HSPA4: variants seen among roughly 807,000 people sequenced by gnomAD.
The protein encoded by HSPA4 is heat shock 70 kDa protein 4.
A neutral mutation model predicts 106.2 loss-of-function variants in HSPA4; 25 were observed. That is an observed-to-expected ratio of 0.24 (90% CI 0.17 to 0.33). The LOEUF (loss-of-function observed/expected upper bound fraction) is 0.33, where lower values mean the gene tolerates loss of function less well. Ranked by LOEUF, HSPA4 falls within the 10% of genes least tolerant of loss-of-function variation. HSPA4 has a pLI of 1.00. For missense variants in HSPA4, 841 were observed against 996.0 expected (o/e 0.84, Z 2.10); for synonymous variants, 332 against 333.6 (o/e 1.00, Z 0.05).
rs886157986 is a variant in HSPA4, at chr5:133,065,116, A to T, written c.165+79A>T. The stretch of plus-strand genomic sequence containing the variant: ...TTCAGCAAGTAGTTGAATGCCCATT[A>T]TGTGCCTAACACTGGTAGGCCTTGG... On this transcript the variant is annotated intron_variant, in intron 2 of 18. Coordinates refer to ENST00000304858, the MANE Select transcript of HSPA4 (RefSeq NM_002154.4). The T allele has an allele frequency of 1.1e-5, 13 of 1,191,076 alleles. No homozygotes were observed. In the African/African-American group the frequency reaches 2.0e-4, roughly 18 times the overall value. 73.8% of individuals were successfully genotyped at this position (1,191,076 alleles called of 1,614,324 possible).
intron 1 of HSPA4, among the ~76,000 whole-genome samples, chr5:133,064,060 T>A (rs1765278401): frequency 6.6e-6 from 1 of 152,208 alleles, no homozygotes; most frequent in African/African-American, 2.4e-5. Flanking sequence ...CTGCACTTTT[T>A]AAGCGTAAGC....
At chr5:133,104,055 T>TC in intron 18 of HSPA4, 29 bp downstream of exon 18, 1 of 1,572,112 alleles carries the variant, frequency 6.4e-7, no homozygotes, top group Non-Finnish European at 8.7e-7. Context: ...TTAATAGTCT[T>TC]TTCTTGACAG....
At position 133,092,806 on chromosome 5, in the gene HSPA4, G is replaced by GTTTTTTTTTTT. The variant is rs57230598; in HGVS notation, c.1650+39_1650+49dup. Reference sequence around the variant, plus strand: ...GAAATGGAGGTATGCATTGGGTGGTGTTTTTTTTTTTTTTTTTTTTTTTTT... The same window carrying GTTTTTTTTTTT: ...GAAATGGAGGTATGCATTGGGTGGTGTTTTTTTTTTTTTTTTTTTTTTTTTTTTTTTTTTTT... On this transcript the variant is annotated intron_variant, in intron 13 of 18. Transcript: ENST00000304858. 5 of 474,030 alleles carry GTTTTTTTTTTT rather than the reference G, an allele frequency of 1.1e-5. No individual in the cohort carries two copies. The African/African-American group carries it at 1.1e-4, about 10-fold the overall frequency. 29.4% of individuals were successfully genotyped at this position (474,030 alleles called of 1,614,324 possible). A position where few individuals can be genotyped will look rare whatever the true frequency, so the allele number is the denominator to read the frequency against.
At chr5:133,062,872 C>T (rs112549049) in intron 1 of HSPA4, among the ~76,000 whole-genome samples, 2 of 152,174 alleles carry the variant, frequency 1.3e-5, no homozygotes, top group African/African-American at 4.8e-5. Context: ...GCCCAGCATT[C>T]TGCCAGTTTC....
Position 133,064,154 on chromosome 5 carries a change from G to A in HSPA4, c.108-826G>A, listed in dbSNP as rs561539700. ...TAAATGGATTAAATCAGGAGATTGT[G>A]TATGAATTGGTGATTTAGAAGAATG... On this transcript the variant is annotated intron_variant, in intron 1 of 18. Coordinates refer to ENST00000304858, the MANE Select transcript of HSPA4 (RefSeq NM_002154.4). 7.9e-5 allele frequency among the ~76,000 whole-genome samples: 12 copies of A among 152,338 alleles called. No homozygotes were observed. In the East Asian group the frequency reaches 2.1e-3, roughly 27 times the overall value.
chr5:133,074,284 T>TC, intron 6 of HSPA4, among the ~76,000 whole-genome samples, 158 bp downstream of exon 6: 1 of 80,542 alleles, frequency 1.2e-5, no homozygotes, highest in African/African-American at 5.1e-5. Flanking sequence ...TTTTTTTCTC[T>TC]TTTTTTTTTT....
At chr5:133,097,424 TA>T (rs1407892442) in intron 15 of HSPA4, 138 bp downstream of exon 15, 12 of 574,742 alleles carry the variant, frequency 2.1e-5, no homozygotes, top group Non-Finnish European at 3.2e-5. Context: ...CAAAATTTTA[TA>T]TTTTTTTATA....
At chr5:133,087,994 T>G (rs1047307374) in intron 8 of HSPA4, among the ~76,000 whole-genome samples, 25 of 152,240 alleles carry the variant, frequency 1.6e-4, no homozygotes, top group African/African-American at 6.0e-4. Flanking sequence ...GATGTGATTC[T>G]TCTTTTTTTT....
intron 1 of HSPA4, among the ~76,000 whole-genome samples, chr5:133,062,225 C>A (rs1327298474): frequency 6.6e-6 from 1 of 152,110 alleles, no homozygotes; most frequent in Non-Finnish European, 1.5e-5. Context: ...AAGACAGTTT[C>A]AGAGTTACTG....
intron 15 of HSPA4, among the ~76,000 whole-genome samples, chr5:133,097,797 C>T (rs910121848): frequency 2.6e-5 from 4 of 152,054 alleles, no homozygotes; most frequent in African/African-American, 9.7e-5. Context: ...GATCCGCCCG[C>T]CTTGGCCTCC....
chr5:133,089,273 C>T (rs988128275), intron 10 of HSPA4, 112 bp downstream of exon 10: 1 of 648,634 alleles, frequency 1.5e-6, no homozygotes, highest in Admixed American at 3.1e-5. Context: ...TATCATAGTG[C>T]ATGAAGGAAG....
intron 3 of HSPA4, among the ~76,000 whole-genome samples, chr5:133,067,892 G>GTTTT (rs1231361695): frequency 7.4e-6 from 1 of 134,754 alleles, no homozygotes. Flanking sequence ...AGCAATCACA[G>GTTTT]TTTTTTTTTT....
intron 13 of HSPA4, among the ~76,000 whole-genome samples, chr5:133,094,489 A>G (rs550271264): frequency 2.9e-4 from 44 of 152,350 alleles, no homozygotes; most frequent in Admixed American, 8.5e-4. Flanking sequence ...TGGTGCTTAC[A>G]GATTCTTTAG....
rs1044050500 is a variant in HSPA4 at position 133,105,935 on chromosome 5, G to A, written c.*1499G>A. 6 of 151,708 alleles carry A rather than the reference G, an allele frequency of 4.0e-5. No individual in the cohort carries two copies. The highest frequency in any genetic ancestry group is 1.2e-4 in the African/African-American group (5 of 41,254). 9.4% of individuals were successfully genotyped at this position (151,708 alleles called of 1,614,324 possible). A position where few individuals can be genotyped will look rare whatever the true frequency, so the allele number is the denominator to read the frequency against. On this transcript the variant is annotated 3_prime_UTR_variant, in exon 19 of 19. Coordinates refer to ENST00000304858, the MANE Select transcript of HSPA4 (RefSeq NM_002154.4). ...TGGAGGCCTCGAGGCACCACAACAAGGCCAGGTTCTTAGCACATCCTCTGT... is the reference window on the plus strand; with the variant it reads ...TGGAGGCCTCGAGGCACCACAACAAAGCCAGGTTCTTAGCACATCCTCTGT...
intron 9 of HSPA4, 111 bp from the exon 10 acceptor site, chr5:133,088,944 A>G (rs891352675): frequency 7.3e-6 from 4 of 549,800 alleles, no homozygotes; most frequent in African/African-American, 1.9e-5. Flanking sequence ...ACTAATATAA[A>G]TATTTTAAAA....
chr5:133,092,593 A>T, intron 12 of HSPA4, 107 bp from the exon 13 acceptor site: 4 of 773,870 alleles, frequency 5.2e-6, no homozygotes, highest in South Asian at 4.7e-5. Flanking sequence ...AGGCCTTCTG[A>T]TTGCTGGTAA....
intron 1 of HSPA4, among the ~76,000 whole-genome samples, chr5:133,059,689 ACT>A (rs930145577): frequency 1.3e-5 from 2 of 152,026 alleles, no homozygotes; most frequent in Non-Finnish European, 2.9e-5. Context: ...TGAATCATAG[ACT>A]CTAATACGTT....
chr5:133,104,550 G>C lies in HSPA4; in HGVS notation c.*114G>C. On this transcript the variant is annotated 3_prime_UTR_variant, in exon 19 of 19. Coordinates refer to ENST00000304858, the MANE Select transcript of HSPA4 (RefSeq NM_002154.4). ...TGAAGATTTCTTAGTCAGTTTTTAG[G>C]GGATTTTCGGGGAGGGGAAATAGGT... 3 of 888,946 alleles carry C rather than the reference G, an allele frequency of 3.4e-6. No individual in the cohort carries two copies. The highest frequency in any genetic ancestry group is 5.2e-6 in the Non-Finnish European group (3 of 578,292). The allele number at this position is 888,946 out of a possible 1,614,324, so 55.1% of individuals were successfully genotyped here.
intron 13 of HSPA4, among the ~76,000 whole-genome samples, 194 bp downstream of exon 13, chr5:133,092,983 C>G (rs1050652168): frequency 2.3e-5 from 3 of 128,446 alleles, no homozygotes; most frequent in African/African-American, 3.2e-5. Context: ...ACCACGGCAG[C>G]TATTTTTTTT....
Sources: allele counts gnomAD v4.1 joint callset (sites outside exome capture counted in the v4.1 genomes callset), GRCh38; gene constraint gnomAD v4.1.1; transcripts MANE v1.5; gene names NCBI Gene and HGNC (gene_info 2026-07-23, HGNC 2026-07-21).